Variants in CYP7B1 observed in about 807,000 individuals in gnomAD.
CYP7B1 encodes the protein cytochrome P450 7B1.
CYP7B1 carries 29 observed loss-of-function variants against 42.7 expected under a neutral mutation model. The ratio of observed to expected loss-of-function variants is 0.68; its 90% CI spans 0.51 to 0.93. The LOEUF (loss-of-function observed/expected upper bound fraction) is 0.93. Among genes scored for constraint, CYP7B1 ranks in the 40% least tolerant of loss-of-function variants. The pLI is 0.00. For synonymous variants in CYP7B1, 235 were observed against 218.2 expected, an observed-to-expected ratio of 1.08 and a Z score of -0.68; for missense variants, 655 against 600.5, an observed-to-expected ratio of 1.09 and a Z score of -0.95.
In CYP7B1 at chr8:64,592,738, G is replaced by A. The variant is rs372900585; in HGVS notation, c.*3904C>T. On this transcript the variant is annotated 3_prime_UTR_variant, in exon 6 of 6. Transcript: ENST00000310193. ...TCCATACACGTTACTGTGTTTAATC[G>A]TTACAATGAACTCTGATGTCAAAGG... Among the ~76,000 whole-genome samples, 7 of 152,056 alleles carry A rather than the reference G, an allele frequency of 4.6e-5. No individual in the cohort carries two copies. The East Asian group carries it at 5.8e-4, about 13-fold the overall frequency.
chr8:64,704,069 T>C (rs1422509352), intron 1 of CYP7B1: 1 of 152,054 alleles, frequency 6.6e-6, no homozygotes, highest in Non-Finnish European at 1.5e-5. Context: ...AACTAACCCA[T>C]GATAAGTTGT....
intron 1 of CYP7B1, among the ~76,000 whole-genome samples, chr8:64,636,746 AGAAGTGGCTCT>A (rs1444502630): frequency 6.6e-6 from 1 of 152,198 alleles, no homozygotes. Flanking sequence ...TCAGGGGAAC[AGAAGTGGCTCT>A]GAAGTGCACT....
intron 5 of CYP7B1, among the ~76,000 whole-genome samples, chr8:64,600,407 C>T (rs1244488653): frequency 6.6e-6 from 1 of 152,118 alleles, no homozygotes; most frequent in Non-Finnish European, 1.5e-5. Flanking sequence ...AGGTGACACA[C>T]AATAGGATCA....
intron 4 of CYP7B1, among the ~76,000 whole-genome samples, chr8:64,614,003 G>C (rs889495944): frequency 4.6e-5 from 7 of 152,060 alleles, no homozygotes; most frequent in African/African-American, 1.4e-4. Context: ...CATTGTCAAA[G>C]GAATAAAGAA....
At chr8:64,783,042 C>T (rs1804456533) in intron 1 of CYP7B1, among the ~76,000 whole-genome samples, 1 of 152,134 alleles carries the variant, frequency 6.6e-6, no homozygotes, top group South Asian at 2.1e-4. Flanking sequence ...CACAGAGGTG[C>T]CTGCAGATCT....
At chr8:64,661,127 C>T (rs1168929592) in intron 1 of CYP7B1, among the ~76,000 whole-genome samples, 1 of 152,174 alleles carries the variant, frequency 6.6e-6, no homozygotes, top group African/African-American at 2.4e-5. Context: ...TAAACTGCAA[C>T]ATACAGGATT....
chr8:64,590,190 C>G (rs921989251), downstream of CYP7B1, among the ~76,000 whole-genome samples: 3 of 152,176 alleles, frequency 2.0e-5, no homozygotes, highest in Non-Finnish European at 4.4e-5. Context: ...AATGAGCTGA[C>G]TAGTTCAAAT....
chr8:64,629,119 C>A (rs530512419), intron 1 of CYP7B1, among the ~76,000 whole-genome samples: 16 of 150,294 alleles, frequency 1.1e-4, no homozygotes, highest in African/African-American at 3.9e-4. Context: ...CCCAGCTACT[C>A]GGGAGGCTGA....
chr8:64,628,166 C>T (rs892219354), intron 1 of CYP7B1, among the ~76,000 whole-genome samples: 1 of 152,186 alleles, frequency 6.6e-6, no homozygotes, highest in Non-Finnish European at 1.5e-5. Context: ...CTTCTCATTA[C>T]CGTTTAAAAA....
rs1008779520 is a variant in CYP7B1 at position 64,741,327 on chromosome 8, A to AT, written c.122+57138dup. On this transcript the variant is annotated intron_variant, in intron 1 of 5. Transcript: ENST00000310193. ...ATGTGGAAATCACAGAGATTTGAACATTTTTTTTTTTGAGACAGTTTTGCT... is the reference window on the plus strand; with the variant it reads ...ATGTGGAAATCACAGAGATTTGAACATTTTTTTTTTTTGAGACAGTTTTGCT... Among the ~76,000 whole-genome samples the AT allele has an allele frequency of 6.3e-4, 93 of 148,366 alleles. 2 individuals are homozygous for AT. The highest frequency in any genetic ancestry group is 3.5e-3 in the Middle Eastern group (1 of 284).
At chr8:64,598,982 T>G (rs555437948) in intron 5 of CYP7B1, among the ~76,000 whole-genome samples, 17 of 152,310 alleles carry the variant, frequency 1.1e-4, no homozygotes, top group African/African-American at 4.1e-4. Context: ...ATGGAAAACC[T>G]AAGCAGGAAC....
chr8:64,638,365 T>G (rs1805804874), intron 1 of CYP7B1, among the ~76,000 whole-genome samples: 1 of 152,110 alleles, frequency 6.6e-6, no homozygotes, highest in Admixed American at 6.6e-5. Context: ...TGTAGTTAAA[T>G]GAATGAGATT....
At chr8:64,794,158 G>A (rs1335016831) in intron 1 of CYP7B1, among the ~76,000 whole-genome samples, 1 of 152,122 alleles carries the variant, frequency 6.6e-6, no homozygotes, top group Non-Finnish European at 1.5e-5. Flanking sequence ...AGAGTTTGGG[G>A]CTACTGAAGT....
Position 64,680,584 on chromosome 8 carries a change from A to G in CYP7B1, c.123-56045T>C, listed in dbSNP as rs548998807. Among the ~76,000 whole-genome samples the G allele has an allele frequency of 1.6e-3, 241 of 152,138 alleles. 1 individual carries two copies. The highest frequency in any genetic ancestry group is 3.4e-4 in the Non-Finnish European group (23 of 68,000). On this transcript the variant is annotated intron_variant, in intron 1 of 5. Transcript: ENST00000310193. ...AGAATTCACAAAAAAAAACCACTGC[A>G]TGGGCCCTTCGAAAATTAAACACAG...
chr8:64,678,058 C>T (rs947594319), intron 1 of CYP7B1, among the ~76,000 whole-genome samples: 8 of 152,066 alleles, frequency 5.3e-5, no homozygotes, highest in South Asian at 2.1e-4. Flanking sequence ...TAAATTCTCC[C>T]GCTCTGCCTA....
chr8:64,637,925 C>T (rs1398712319), intron 1 of CYP7B1, among the ~76,000 whole-genome samples: 4 of 152,126 alleles, frequency 2.6e-5, no homozygotes, highest in Non-Finnish European at 5.9e-5. Context: ...TTTTCCATCA[C>T]TTTATCTTTT....
intron 1 of CYP7B1, among the ~76,000 whole-genome samples, chr8:64,753,011 G>T (rs1807752778): frequency 6.6e-6 from 1 of 152,074 alleles, no homozygotes; most frequent in African/African-American, 2.4e-5. Flanking sequence ...TTAACAATCT[G>T]AAAAAGTTTA....
chr8:64,638,805 G>T (rs768768669), intron 1 of CYP7B1, among the ~76,000 whole-genome samples: 1 of 151,914 alleles, frequency 6.6e-6, no homozygotes. Context: ...CTAGGGCAAA[G>T]AAATATGCTA....
chr8:64,655,355 G>A (rs1044291426), intron 1 of CYP7B1, among the ~76,000 whole-genome samples: 2 of 152,104 alleles, frequency 1.3e-5, no homozygotes, highest in Non-Finnish European at 2.9e-5. Flanking sequence ...TAAAAAGTGG[G>A]CAAAGGGCAT....
Sources: allele counts gnomAD v4.1 joint callset (sites outside exome capture counted in the v4.1 genomes callset), GRCh38; gene constraint gnomAD v4.1.1; transcripts MANE v1.5; gene names NCBI Gene and HGNC (gene_info 2026-07-23, HGNC 2026-07-21).